Variants in HSPA12A observed in about 807,000 individuals in gnomAD.
The protein encoded by HSPA12A is heat shock 70 kDa protein 12A.
Under a neutral mutation model 69.2 loss-of-function variants are expected in HSPA12A, and 28 were observed. The observed-to-expected ratio is 0.40, with a 90% CI of 0.30 to 0.55. The LOEUF (loss-of-function observed/expected upper bound fraction) is 0.55. HSPA12A is among the 20% of genes least tolerant of loss of function. The pLI is 0.38. For missense variants in HSPA12A, 686 were observed against 900.7 expected, an observed-to-expected ratio of 0.76 and a Z score of 3.05; for synonymous variants, 345 against 370.5, an observed-to-expected ratio of 0.93 and a Z score of 0.79.
At chr10:116,769,391 G>A (rs371193638) in intron 2 of HSPA12A, among the ~76,000 whole-genome samples, 2 of 152,346 alleles carry the variant, frequency 1.3e-5, no homozygotes, top group African/African-American at 4.8e-5. Flanking sequence ...CTGCCAAGCA[G>A]TGGGGTTGGC....
At chr10:116,756,244 G>A (rs560657860) in intron 2 of HSPA12A, among the ~76,000 whole-genome samples, 1 of 152,316 alleles carries the variant, frequency 6.6e-6, no homozygotes, top group South Asian at 2.1e-4. Flanking sequence ...AGGGTAGGGG[G>A]CTGTATCCTA....
rs1351263988 is a variant in HSPA12A at position 116,686,208 on chromosome 10, G to A, written c.664-2246C>T. ...GTGAAAGAGGATGTGGCTCTCACAC[G>A]TATGGTGCCCTCGGGAAAGGTGAAA... On this transcript the variant is annotated intron_variant, in intron 6 of 11. Transcript: ENST00000369209. This position sits in a 1 kb window ranked among gnomAD's most constrained non-coding sequence, Gnocchi z 4.1. 1.3e-5 allele frequency among the ~76,000 whole-genome samples: 2 copies of A among 152,162 alleles called. No individual in the cohort carries two copies. Among genetic ancestry groups the A allele is most frequent in the African/African-American group, 2.4e-5 (1 of 41,432 alleles).
chr10:116,747,553 A>G (rs1364751702), upstream of HSPA12A, among the ~76,000 whole-genome samples: 15 of 152,238 alleles, frequency 9.9e-5, no homozygotes, highest in African/African-American at 3.1e-4. Context: ...GAGTTTTCAC[A>G]AGGGCTGCAA....
At chr10:116,727,510 A>G (rs1055016253) in intron 1 of HSPA12A, among the ~76,000 whole-genome samples, 16 of 152,310 alleles carry the variant, frequency 1.1e-4, no homozygotes, top group Non-Finnish European at 2.1e-4. Context: ...TCCAGGTAGG[A>G]GGAGATGACA....
intron 2 of HSPA12A, among the ~76,000 whole-genome samples, chr10:116,799,490 A>G (rs543124039): frequency 2.9e-4 from 44 of 152,172 alleles, no homozygotes; most frequent in Middle Eastern, 3.4e-3. Context: ...TGCATACACA[A>G]ATGTGCACAC....
At chr10:116,816,039 T>A (rs1412968808) in intron 2 of HSPA12A, among the ~76,000 whole-genome samples, 1 of 152,114 alleles carries the variant, frequency 6.6e-6, no homozygotes, top group Admixed American at 6.5e-5. Flanking sequence ...CCACGCATCC[T>A]CTCTGGTGGG....
In HSPA12A at chr10:116,674,177, C is replaced by G. The variant is rs1457849539; in HGVS notation, c.*604G>C. 1 of 153,936 alleles carries G rather than the reference C, an allele frequency of 6.5e-6. No homozygotes were observed. Among genetic ancestry groups the G allele is most frequent in the African/African-American group, 2.4e-5 (1 of 41,450 alleles). The allele number at this position is 153,936 out of a possible 1,614,324, so 9.5% of individuals were successfully genotyped here. A position where few individuals can be genotyped will look rare whatever the true frequency, so the allele number is the denominator to read the frequency against. On this transcript the variant is annotated 3_prime_UTR_variant, in exon 12 of 12. Transcript: ENST00000369209. ...CTACGGTTATTCTTCCCTGAACCTCCTTGCTGTTTAAATGATATGAGAATC... is the reference window on the plus strand; with the variant it reads ...CTACGGTTATTCTTCCCTGAACCTCGTTGCTGTTTAAATGATATGAGAATC...
chr10:116,809,672 A>G (rs1621076), intron 2 of HSPA12A, among the ~76,000 whole-genome samples: 151,196 of 152,334 alleles, frequency 0.99, 75,046 homozygotes, highest in East Asian at 1. Flanking sequence ...GATTCAGGAA[A>G]ATTGGCGGTT....
intron 1 of HSPA12A, among the ~76,000 whole-genome samples, chr10:116,740,719 G>A (rs2133066515): frequency 6.7e-6 from 1 of 149,784 alleles, no homozygotes; most frequent in African/African-American, 2.5e-5. Flanking sequence ...TGTTAGGATA[G>A]GGGTGCTGAA....
intron 2 of HSPA12A, among the ~76,000 whole-genome samples, chr10:116,782,145 G>A (rs1554891870): frequency 4.6e-5 from 7 of 152,226 alleles, no homozygotes. Context: ...AACCTCAGCT[G>A]TGACCAAGAA....
intron 2 of HSPA12A, among the ~76,000 whole-genome samples, chr10:116,834,358 A>G (rs988385707): frequency 6.6e-6 from 1 of 152,208 alleles, no homozygotes; most frequent in Admixed American, 6.5e-5. Context: ...AGTGGCTTTC[A>G]ATGGAGTTTG....
At chr10:116,846,802 T>A (rs944314791) in intron 1 of HSPA12A, among the ~76,000 whole-genome samples, 1 of 152,222 alleles carries the variant, frequency 6.6e-6, no homozygotes, top group Non-Finnish European at 1.5e-5. Flanking sequence ...CTTTTCAGAC[T>A]TTTTTCTATG....
chr10:116,701,996 A>G (rs1850089355), intron 3 of HSPA12A, among the ~76,000 whole-genome samples: 1 of 152,088 alleles, frequency 6.6e-6, no homozygotes, highest in South Asian at 2.1e-4. Flanking sequence ...GCAGAGGTGA[A>G]AGAACCATAG....
intron 2 of HSPA12A, among the ~76,000 whole-genome samples, chr10:116,758,309 G>T (rs1049074095): frequency 6.6e-6 from 1 of 152,060 alleles, no homozygotes; most frequent in African/African-American, 2.4e-5. Context: ...CCATGTCCAG[G>T]CCTCCTCAAT....
At chr10:116,727,396 C>G (rs1221875309) in intron 1 of HSPA12A, among the ~76,000 whole-genome samples, 2 of 152,160 alleles carry the variant, frequency 1.3e-5, no homozygotes, top group South Asian at 2.1e-4. Flanking sequence ...TAGCAAAGGA[C>G]AAGTGAGCAA....
At chr10:116,841,215 G>A (rs1040079675) in intron 1 of HSPA12A, among the ~76,000 whole-genome samples, 17 of 151,980 alleles carry the variant, frequency 1.1e-4, no homozygotes, top group African/African-American at 3.9e-4. Flanking sequence ...CTATTCTTTC[G>A]TATCCCCCAA....
intron 6 of HSPA12A, among the ~76,000 whole-genome samples, chr10:116,688,040 ATG>A (rs1362411949): frequency 6.6e-6 from 1 of 152,100 alleles, no homozygotes; most frequent in African/African-American, 2.4e-5. Context: ...AGTGTATTTA[ATG>A]TGTGACCCAG....
chr10:116,734,546 AT>A (rs1480097554), intron 1 of HSPA12A, among the ~76,000 whole-genome samples: 2 of 151,382 alleles, frequency 1.3e-5, no homozygotes, highest in Non-Finnish European at 2.9e-5. Flanking sequence ...CAGCTCCTTC[AT>A]CTGCCCTCTC....
At position 116,695,709 on chromosome 10, in the gene HSPA12A, G is replaced by A. The variant is rs532571067; in HGVS notation, c.546+2926C>T. ...CGGGCGCCTGTAGTCCCAGCTACTC[G>A]GGAGGCTGAGGCAGGAGAATGGCGT... On this transcript the variant is annotated intron_variant, in intron 5 of 11. Transcript: ENST00000369209. Among the ~76,000 whole-genome samples the A allele has an allele frequency of 3.0e-3, 459 of 152,170 alleles. 2 individuals carry two copies. Among genetic ancestry groups the A allele is most frequent in the Non-Finnish European group, 4.8e-3 (328 of 68,004 alleles).
Sources: allele counts gnomAD v4.1 joint callset (sites outside exome capture counted in the v4.1 genomes callset), GRCh38; gene constraint gnomAD v4.1.1; non-coding constraint Gnocchi (gnomAD v3.1); transcripts MANE v1.5; gene names NCBI Gene and HGNC (gene_info 2026-07-23, HGNC 2026-07-21).